CLMN: variants seen among roughly 807,000 people sequenced by gnomAD.
CLMN encodes the protein calmin.
Under a neutral mutation model 92.7 loss-of-function variants are expected in CLMN, and 57 were observed. The observed-to-expected ratio is 0.61, with a 90% CI of 0.50 to 0.77. The LOEUF is 0.77. Ranked by LOEUF, CLMN falls within the 30% of genes least tolerant of loss-of-function variation. CLMN has a pLI of 0.00. For synonymous variants in CLMN, 466 were observed against 470.6 expected, an observed-to-expected ratio of 0.99 and a Z score of 0.13; for missense variants, 1,158 against 1,237.5, an observed-to-expected ratio of 0.94 and a Z score of 0.96.
At chr14:95,296,495 G>A (rs901686667) in intron 1 of CLMN, among the ~76,000 whole-genome samples, 1 of 152,180 alleles carries the variant, frequency 6.6e-6, no homozygotes, top group Non-Finnish European at 1.5e-5. Context: ...GGCACCATGG[G>A]CTTTATTTCC....
intron 1 of CLMN, among the ~76,000 whole-genome samples, chr14:95,263,753 G>T (rs1017968435): frequency 6.6e-6 from 1 of 152,206 alleles, no homozygotes; most frequent in African/African-American, 2.4e-5. Context: ...GATACATTTT[G>T]TAAGTTGTGC....
Position 95,204,206 on chromosome 14 carries a change from G to A in CLMN, c.1143C>T (p.His381=), listed in dbSNP as rs1395712569. The change falls in exon 9 of 13, where the codon CAC becomes CAT. Residue 381 remains histidine, a synonymous_variant. Coordinates refer to ENST00000298912, the MANE Select transcript of CLMN (RefSeq NM_024734.4). ...ALSDSSTEFM[H]QIIDQVLQGG... is the part of the protein sequence containing the mutation. ...CTTGCAGGACCTGGTCAATAATCTG[G>A]TGCATGAACTCGGTGGAGCTGTCTG... 1 of 1,614,132 alleles carries A rather than the reference G, an allele frequency of 6.2e-7. No homozygotes were observed.
At chr14:95,274,772 A>C (rs1171634095) in intron 1 of CLMN, among the ~76,000 whole-genome samples, 1 of 152,190 alleles carries the variant, frequency 6.6e-6, no homozygotes, top group African/African-American at 2.4e-5. Context: ...CCAGGTCAAG[A>C]GATCAAGACC....
In CLMN at chr14:95,210,832, A is replaced by T. The variant is rs143814892; in HGVS notation, c.656T>A (p.Leu219Gln). The change falls in exon 7 of 13, where the codon CTG (leucine) becomes CAG (glutamine). Residue 219 changes from leucine to glutamine, a missense_variant. Leu to Gln is a moderately radical substitution (Grantham distance 113). Transcript: ENST00000298912. ...GGCCTTGATCACCGCCAGGAAAGCC[A>T]GCCCACTCCTCCAACTGCCCGCAAA... Reference protein sequence around the residue: ...QDFAGSWRSGLAFLAVIKAID... With the variant: ...QDFAGSWRSGQAFLAVIKAID... 7 of 1,570,736 alleles carry T rather than the reference A, an allele frequency of 4.5e-6. No homozygotes were observed. Among genetic ancestry groups the T allele is most frequent in the Non-Finnish European group, 6.0e-6 (7 of 1,164,514 alleles).
At chr14:95,236,675 C>A (rs1566885532) in intron 1 of CLMN, among the ~76,000 whole-genome samples, 3 of 152,244 alleles carry the variant, frequency 2.0e-5, no homozygotes, top group Admixed American at 2.0e-4. Flanking sequence ...CCTATCTTGA[C>A]CTTTCTCCCA....
At chr14:95,307,778 A>G (rs1901350417) in intron 1 of CLMN, 1 of 152,192 alleles carries the variant, frequency 6.6e-6, no homozygotes, top group Admixed American at 6.5e-5. Flanking sequence ...TGTACATGAA[A>G]GAAGAGGAAG....
chr14:95,280,452 T>A (rs1900104067), intron 1 of CLMN, among the ~76,000 whole-genome samples: 1 of 152,216 alleles, frequency 6.6e-6, no homozygotes, highest in Non-Finnish European at 1.5e-5. Flanking sequence ...AGAGACTGTT[T>A]AGAAAGCTAA....
chr14:95,217,492 G>A (rs1224553117), intron 4 of CLMN, among the ~76,000 whole-genome samples: 1 of 152,218 alleles, frequency 6.6e-6, no homozygotes, highest in African/African-American at 2.4e-5. Flanking sequence ...GCAGGTCAGA[G>A]GCCAGGAAGG....
intron 4 of CLMN, among the ~76,000 whole-genome samples, chr14:95,216,804 T>G (rs551713438): frequency 1.1e-4 from 17 of 152,328 alleles, no homozygotes; most frequent in Admixed American, 2.6e-4. Context: ...AAGGCCAACC[T>G]GACATCTGGA....
chr14:95,221,560 CTTAGT>C, intron 4 of CLMN, 126 bp downstream of exon 4: 1 of 748,438 alleles, frequency 1.3e-6, no homozygotes, highest in South Asian at 1.9e-5. Context: ...GAAATTTAAG[CTTAGT>C]TTAATTTGAC....
chr14:95,242,883 A>C (rs1353121789), intron 1 of CLMN, among the ~76,000 whole-genome samples: 1 of 152,126 alleles, frequency 6.6e-6, no homozygotes, highest in African/African-American at 2.4e-5. Flanking sequence ...CTCTATTTTT[A>C]ATGTACCCCA....
Position 95,196,519 on chromosome 14 carries a change from C to T in CLMN, c.2687G>A (p.Ser896Asn), listed in dbSNP as rs770512603. The change falls in exon 10 of 13, where the codon AGC becomes AAC. Residue 896 changes from serine (S) to asparagine (N), a missense_variant. Coordinates refer to ENST00000298912, the MANE Select transcript of CLMN (RefSeq NM_024734.4). ...QSSDDLEEDSSDYSIPSRTSH... is the reference protein window; with the variant it reads ...QSSDDLEEDSNDYSIPSRTSH... ...ATACCTGGAAGGAATGCTGTAGTCG[C>T]TACTGTCTTCTTCTAGGTCATCTGA... 5 of 1,612,526 alleles carry T rather than the reference C, an allele frequency of 3.1e-6. No individual in the cohort carries two copies. In the South Asian group the frequency reaches 5.5e-5, roughly 18 times the overall value.
Position 95,203,061 on chromosome 14 carries a change from T to C in CLMN, c.2288A>G (p.Tyr763Cys). ...CTCCCTGGAGTCCAGGTCTGGCATA[T>C]AGCCCTCTGGCTCTTCGAGATCCAT... is the stretch of plus-strand genomic sequence containing the variant. The part of the protein sequence containing the change: ...EEMDLEEPEG[Y>C]MPDLDSREEE... Residue 763 changes from tyrosine to cysteine, a missense_variant, in exon 9 of 13, where the codon TAT becomes TGT. Coordinates refer to ENST00000298912, the MANE Select transcript of CLMN (RefSeq NM_024734.4). 6.2e-7 allele frequency: 1 copy of C among 1,614,110 alleles called. No homozygotes were observed. Among genetic ancestry groups the C allele is most frequent in the African/African-American group, 1.3e-5 (1 of 75,056 alleles).
chr14:95,318,789 T>C (rs1050868725), intron 1 of CLMN, among the ~76,000 whole-genome samples: 6 of 152,042 alleles, frequency 3.9e-5, no homozygotes, highest in Non-Finnish European at 7.4e-5. Flanking sequence ...AAAGCCCATA[T>C]ATGAAAAAAA....
chr14:95,218,200 T>C (rs1241859392), intron 4 of CLMN, among the ~76,000 whole-genome samples: 6 of 152,212 alleles, frequency 3.9e-5, no homozygotes, highest in Non-Finnish European at 8.8e-5. Context: ...TTATCACATG[T>C]AGGGTGATAA....
intron 1 of CLMN, among the ~76,000 whole-genome samples, chr14:95,271,642 C>T (rs60752055): frequency 0.11 from 16,202 of 152,160 alleles, 1,002 homozygotes; most frequent in African/African-American, 0.17. Context: ...TAAGGCCTGT[C>T]TTTTTCATTT....
chr14:95,306,960 A>C (rs1455082464), intron 1 of CLMN, among the ~76,000 whole-genome samples: 1 of 152,232 alleles, frequency 6.6e-6, no homozygotes, highest in Admixed American at 6.5e-5. Context: ...ACATGGAAGA[A>C]AATACTAAAA....
intron 1 of CLMN, among the ~76,000 whole-genome samples, chr14:95,282,260 C>T (rs756314894): frequency 9.9e-5 from 15 of 152,008 alleles, no homozygotes; most frequent in Non-Finnish European, 2.1e-4. Context: ...ATTTGCACTT[C>T]TAGGGAACCA....
intron 1 of CLMN, among the ~76,000 whole-genome samples, chr14:95,296,864 A>G (rs2140770888): frequency 6.6e-6 from 1 of 152,344 alleles, no homozygotes; most frequent in African/African-American, 2.4e-5. Context: ...TGTAATTCAT[A>G]GCCAAACCTA....
Sources: allele counts gnomAD v4.1 joint callset (sites outside exome capture counted in the v4.1 genomes callset), GRCh38; gene constraint gnomAD v4.1.1; transcripts MANE v1.5; gene names NCBI Gene and HGNC (gene_info 2026-07-23, HGNC 2026-07-21).